The following ASB13 variants were observed in gnomAD, a reference collection of about 807,000 sequenced individuals.
The protein encoded by ASB13 is ankyrin repeat and SOCS box containing 13, also known as ankyrin repeat and SOCS box protein 13.
ASB13 carries 33 observed loss-of-function variants against 28.8 expected under a neutral mutation model. That is an observed-to-expected ratio of 1.15 (90% confidence interval 0.87 to 1.53). ASB13 has a LOEUF of 1.53. Ranked by LOEUF, ASB13 falls within the 40% of genes most tolerant of loss-of-function variation. The pLI is 0.00. For synonymous variants in ASB13, 182 were observed against 172.9 expected, an observed-to-expected ratio of 1.05 and a Z score of -0.41; for missense variants, 414 against 390.1, an observed-to-expected ratio of 1.06 and a Z score of -0.52.
chr10:5,659,596 G>A lies in ASB13; in HGVS notation c.44-6546C>T, dbSNP rs183909115. On this transcript the variant is annotated intron_variant, in intron 1 of 5. Coordinates refer to ENST00000357700, the MANE Select transcript of ASB13 (RefSeq NM_024701.4). The surrounding 1 kb of genome is among the most constrained non-coding windows in gnomAD (Gnocchi z 5.8). ...CAGCCCCATTCCCCACCTTGCTTCC[G>A]GCTGAAATTCCTCGACTGAGGGGAC... Among the ~76,000 whole-genome samples the A allele has an allele frequency of 5.9e-5, 9 of 152,184 alleles. No individual in the cohort carries two copies. The East Asian group carries it at 9.7e-4, about 16-fold the overall frequency.
In ASB13 at chr10:5,642,012, CAG is replaced by C. The variant is rs751769577; in HGVS notation, c.518-53_518-52del. Reference sequence around the variant, plus strand: ...TTTCACCAAGAAGAGAACTTGAAGTCAGGGGGACAATCAGGTCCGTTTCGTCA... The same window carrying C: ...TTTCACCAAGAAGAGAACTTGAAGTCGGGGACAATCAGGTCCGTTTCGTCA... On this transcript the variant is annotated intron_variant, in intron 4 of 5. Coordinates refer to ENST00000357700, the MANE Select transcript of ASB13 (RefSeq NM_024701.4). This position sits in a 1 kb window ranked among gnomAD's most constrained non-coding sequence, Gnocchi z 4.1. 5.3e-4 allele frequency: 826 copies of C among 1,562,956 alleles called. 1 individual carries two copies. The highest frequency in any genetic ancestry group is 5.6e-4 in the Non-Finnish European group (645 of 1,142,362).
At chr10:5,646,206 A>C (rs1258764111) in intron 4 of ASB13, among the ~76,000 whole-genome samples, 1 of 152,148 alleles carries the variant, frequency 6.6e-6, no homozygotes, top group Non-Finnish European at 1.5e-5. Flanking sequence ...CTTCCTTTCC[A>C]GCCCCCACCC....
Position 5,642,034 on chromosome 10 carries a change from T to A in ASB13, c.518-73A>T. 6.9e-7 allele frequency: 1 copy of A among 1,457,512 alleles called. No homozygotes were observed. The highest frequency in any genetic ancestry group is 9.4e-7 in the Non-Finnish European group (1 of 1,058,960). The allele number at this position is 1,457,512 out of a possible 1,614,324, so 90.3% of individuals were successfully genotyped here. ...AGTCAGGGGGACAATCAGGTCCGTT[T>A]CGTCACACAGCACGGTGGCAGAAGC... On this transcript the variant is annotated intron_variant, in intron 4 of 5. Transcript: ENST00000357700. This position sits in a 1 kb window ranked among gnomAD's most constrained non-coding sequence, Gnocchi z 4.1.
In ASB13 at chr10:5,658,554, G is replaced by T. The variant is rs575945049; in HGVS notation, c.44-5504C>A. On this transcript the variant is annotated intron_variant, in intron 1 of 5. Coordinates refer to ENST00000357700, the MANE Select transcript of ASB13 (RefSeq NM_024701.4). The surrounding 1 kb of genome is among the most constrained non-coding windows in gnomAD (Gnocchi z 4.2). ...GTAGAAAGGTAGTTGCCAGGGGCTT[G>T]GGGGAGGAGAAATGGGGAGTTAGTG... Among the ~76,000 whole-genome samples the T allele has an allele frequency of 6.6e-6, 1 of 152,168 alleles. No homozygotes were observed. Among genetic ancestry groups the T allele is most frequent in the East Asian group, 1.9e-4 (1 of 5,194 alleles).
At chr10:5,643,697 C>T (rs1834842254) in intron 4 of ASB13, among the ~76,000 whole-genome samples, 1 of 152,190 alleles carries the variant, frequency 6.6e-6, no homozygotes, top group Admixed American at 6.5e-5. Context: ...TAACACTAAA[C>T]ATATGCTTGT....
At chr10:5,666,350 G>C (rs1430949475) in intron 1 of ASB13, among the ~76,000 whole-genome samples, 159 bp downstream of exon 1, 1 of 152,110 alleles carries the variant, frequency 6.6e-6, no homozygotes, top group Non-Finnish European at 1.5e-5. Context: ...GCACCACTGG[G>C]ACCCTGCTTT....
Position 5,659,253 on chromosome 10 carries a change from C to T in ASB13, c.44-6203G>A, listed in dbSNP as rs570650825. 1.2e-4 allele frequency among the ~76,000 whole-genome samples: 19 copies of T among 152,188 alleles called. No homozygotes were observed. Among genetic ancestry groups the T allele is most frequent in the African/African-American group, 4.6e-4 (19 of 41,476 alleles). Reference sequence around the variant, plus strand: ...AACCCGAGACTCCATGCCGTGCTGGCGAGTTCCCTCCGGGACTCACGTTCT... The same window carrying T: ...AACCCGAGACTCCATGCCGTGCTGGTGAGTTCCCTCCGGGACTCACGTTCT... On this transcript the variant is annotated intron_variant, in intron 1 of 5. Coordinates refer to ENST00000357700, the MANE Select transcript of ASB13 (RefSeq NM_024701.4). This position sits in a 1 kb window ranked among gnomAD's most constrained non-coding sequence, Gnocchi z 5.8.
chr10:5,662,565 GGAGAAGAGAAGAGAA>G (rs1191915063), intron 1 of ASB13, among the ~76,000 whole-genome samples: 667 of 14,454 alleles, frequency 0.046, 17 homozygotes, highest in Non-Finnish European at 0.059. Context: ...GGAGGGGAGG[GGAGAAGAGAAGAGAA>G]GAGAAGAGAA....
Position 5,658,517 on chromosome 10 carries a change from T to C in ASB13, c.44-5467A>G, listed in dbSNP as rs1588518350. On this transcript the variant is annotated intron_variant, in intron 1 of 5. Transcript: ENST00000357700. The surrounding 1 kb of genome is among the most constrained non-coding windows in gnomAD (Gnocchi z 4.2). ...GAGGTCCCTCGAGTAGTCAAATTCA[T>C]GGAGATGGAAAGTAGAAAGGTAGTT... Among the ~76,000 whole-genome samples, 1 of 151,646 alleles carries C rather than the reference T, an allele frequency of 6.6e-6. No individual in the cohort carries two copies. The highest frequency in any genetic ancestry group is 1.9e-4 in the East Asian group (1 of 5,164).
chr10:5,648,995 G>GT lies in ASB13; in HGVS notation c.491dup (p.Asp164GlufsTer20). 1.2e-6 allele frequency: 2 copies of GT among 1,614,134 alleles called. No individual in the cohort carries two copies. Among genetic ancestry groups the GT allele is most frequent in the Middle Eastern group, 1.6e-4 (1 of 6,062 alleles). On this transcript the variant is annotated frameshift_variant, in exon 4 of 6. Transcript: ENST00000357700. LOFTEE classifies it high-confidence loss of function. ...CTGCATTGAGCAGCACTTTGACACA[G>GT]TCCAGATGCTCCCGGGCACAGGCAA... is the stretch of plus-strand genomic sequence containing the variant.
chr10:5,652,884 CA>C lies in ASB13; in HGVS notation c.209del (p.Leu70ArgfsTer32), dbSNP rs1835009358. ...SLQGQARCVQLLLAAGAQVDA... is the reference protein window; with the variant it reads ...SLQGQARCVQXLLAAGAQVDA... The stretch of plus-strand genomic sequence containing the variant: ...TCACCTGGGCCCCAGCCGCCAGCAG[CA>C]GCTGCACACACCGCGCCTGGCCCTG... On this transcript the variant is annotated frameshift_variant, in exon 2 of 6. Coordinates refer to ENST00000357700, the MANE Select transcript of ASB13 (RefSeq NM_024701.4). LOFTEE classifies it high-confidence loss of function. This position sits in a 1 kb window ranked among gnomAD's most constrained non-coding sequence, Gnocchi z 5.0. 1 of 1,567,292 alleles carries C rather than the reference CA, an allele frequency of 6.4e-7. No individual in the cohort carries two copies.
Position 5,645,077 on chromosome 10 carries a change from C to T in ASB13, c.518-3116G>A, listed in dbSNP as rs985576931. 1.3e-5 allele frequency among the ~76,000 whole-genome samples: 2 copies of T among 151,824 alleles called. No homozygotes were observed. The highest frequency in any genetic ancestry group is 4.8e-5 in the African/African-American group (2 of 41,334). The stretch of plus-strand genomic sequence containing the variant: ...AAAGGGGTCAACACAGGCTCATTAC[C>T]AAAATCCTGCTTTCAACACAAAATA... On this transcript the variant is annotated intron_variant, in intron 4 of 5. Coordinates refer to ENST00000357700, the MANE Select transcript of ASB13 (RefSeq NM_024701.4). This position sits in a 1 kb window ranked among gnomAD's most constrained non-coding sequence, Gnocchi z 5.4.
At position 5,660,920 on chromosome 10, in the gene ASB13, G is replaced by A. The variant is rs1588519978; in HGVS notation, c.43+5589C>T. On this transcript the variant is annotated intron_variant, in intron 1 of 5. Coordinates refer to ENST00000357700, the MANE Select transcript of ASB13 (RefSeq NM_024701.4). This position sits in a 1 kb window ranked among gnomAD's most constrained non-coding sequence, Gnocchi z 6.1. ...AGCAGTGTGCCGGGCCATCTCGCCA[G>A]CTGGCTGCTGCACAGCCAGGTTCTG... is the stretch of plus-strand genomic sequence containing the variant. Among the ~76,000 whole-genome samples the A allele has an allele frequency of 6.6e-6, 1 of 152,368 alleles. No individual in the cohort carries two copies. The highest frequency in any genetic ancestry group is 1.9e-4 in the East Asian group (1 of 5,192).
At position 5,649,308 on chromosome 10, in the gene ASB13, G is replaced by A. The variant is rs115371116; in HGVS notation, c.383-204C>T. On this transcript the variant is annotated intron_variant, in intron 3 of 5. Transcript: ENST00000357700. This position sits in a 1 kb window ranked among gnomAD's most constrained non-coding sequence, Gnocchi z 6.4. Reference sequence around the variant, plus strand: ...CACGGCTCTGCGCCCCGCTGAGGACGGAGGGCTCAAGGCAGTGGGAGAAAC... The same window carrying A: ...CACGGCTCTGCGCCCCGCTGAGGACAGAGGGCTCAAGGCAGTGGGAGAAAC... Among the ~76,000 whole-genome samples, 628 of 152,292 alleles carry A rather than the reference G, an allele frequency of 4.1e-3. 7 individuals carry two copies. Among genetic ancestry groups the A allele is most frequent in the African/African-American group, 0.014 (572 of 41,576 alleles).
Position 5,658,495 on chromosome 10 carries a change from G to GT in ASB13, c.44-5446dup, listed in dbSNP as rs1272712310. Among the ~76,000 whole-genome samples, 2 of 152,106 alleles carry GT rather than the reference G, an allele frequency of 1.3e-5. No homozygotes were observed. Among genetic ancestry groups the GT allele is most frequent in the Admixed American group, 1.3e-4 (2 of 15,272 alleles). Reference sequence around the variant, plus strand: ...TACTGTATGATTCCACTTATGTGAGGTCCCTCGAGTAGTCAAATTCATGGA... The same window carrying GT: ...TACTGTATGATTCCACTTATGTGAGGTTCCCTCGAGTAGTCAAATTCATGGA... On this transcript the variant is annotated intron_variant, in intron 1 of 5. Transcript: ENST00000357700. The surrounding 1 kb of genome is among the most constrained non-coding windows in gnomAD (Gnocchi z 4.2).
In ASB13 at chr10:5,641,979, A is replaced by G. The variant is rs1834815116; in HGVS notation, c.518-18T>C. The G allele has an allele frequency of 1.3e-6, 2 of 1,590,264 alleles. No homozygotes were observed. The highest frequency in any genetic ancestry group is 1.7e-6 in the Non-Finnish European group (2 of 1,160,148). ...GTTGGCCCCTGGAGGTCAAGAGTGC[A>G]GAAGAGATTTCACCAAGAAGAGAAC... On this transcript the variant is annotated intron_variant, in intron 4 of 5. Coordinates refer to ENST00000357700, the MANE Select transcript of ASB13 (RefSeq NM_024701.4). This position sits in a 1 kb window ranked among gnomAD's most constrained non-coding sequence, Gnocchi z 8.4.
rs7078798 is a variant in ASB13, at chr10:5,664,966, T to C, written c.43+1543A>G. 0.25 allele frequency among the ~76,000 whole-genome samples: 38,669 copies of C among 151,974 alleles called. 5,086 individuals are homozygous for C. The highest frequency in any genetic ancestry group is 0.41 in the Middle Eastern group (121 of 294). Reference sequence around the variant, plus strand: ...CTGCCTTCCAGGTTCGAGTGATTCTTCTGCCTCAGTCTCCCAAGTAGCTGG... The same window carrying C: ...CTGCCTTCCAGGTTCGAGTGATTCTCCTGCCTCAGTCTCCCAAGTAGCTGG... On this transcript the variant is annotated intron_variant, in intron 1 of 5. Coordinates refer to ENST00000357700, the MANE Select transcript of ASB13 (RefSeq NM_024701.4). This position sits in a 1 kb window ranked among gnomAD's most constrained non-coding sequence, Gnocchi z 4.2.
In ASB13 at chr10:5,651,324, C is replaced by T. The variant is rs1834980769; in HGVS notation, c.271G>A (p.Asp91Asn). Residue 91 changes from aspartate (D) to asparagine (N), a missense_variant, in exon 3 of 6, where the codon GAT becomes AAT. Physicochemically the swap from Asp to Asn is conservative, Grantham distance 23 (BLOSUM62 1). Coordinates refer to ENST00000357700, the MANE Select transcript of ASB13 (RefSeq NM_024701.4). This position sits in a 1 kb window ranked among gnomAD's most constrained non-coding sequence, Gnocchi z 5.1. Reference protein sequence around the residue: ...RNIDGSTPLCDACASGSIECV... With the variant: ...RNIDGSTPLCNACASGSIECV... ...TCGATGCTGCCCGAGGCGCAGGCATCGCAGAGCGGGGTGCTGCCGTCGATG... is the reference window on the plus strand; with the variant it reads ...TCGATGCTGCCCGAGGCGCAGGCATTGCAGAGCGGGGTGCTGCCGTCGATG... The T allele has an allele frequency of 1.2e-6, 2 of 1,613,464 alleles. No individual in the cohort carries two copies. Among genetic ancestry groups the T allele is most frequent in the East Asian group, 2.2e-5 (1 of 44,848 alleles).
At chr10:5,648,647 C>A (rs1275245113) in intron 4 of ASB13, among the ~76,000 whole-genome samples, 1 of 151,288 alleles carries the variant, frequency 6.6e-6, no homozygotes, top group Non-Finnish European at 1.5e-5. Flanking sequence ...AACACCCACG[C>A]GGGCAAACAC....
Sources: gnomAD v4.1 joint callset for allele counts (sites outside exome capture counted in the v4.1 genomes callset) on GRCh38, gnomAD v4.1.1 for gene constraint, Gnocchi (gnomAD v3.1) non-coding constraint, MANE v1.5 for transcripts, NCBI Gene and HGNC (gene_info 2026-07-23, HGNC 2026-07-21) for gene names.